GTF2IRD2B: variants seen among roughly 807,000 people sequenced by gnomAD.
GTF2IRD2B encodes GTF2I repeat domain containing 2B.
A neutral mutation model predicts 55.6 loss-of-function variants in GTF2IRD2B; 10 were observed. The ratio of observed to expected loss-of-function variants is 0.18; its 90% confidence interval spans 0.11 to 0.31. GTF2IRD2B has a LOEUF of 0.31. Ranked by LOEUF, GTF2IRD2B falls within the 10% of genes least tolerant of loss-of-function variation. The pLI is 1.00. For missense variants in GTF2IRD2B, 206 were observed against 802.7 expected (o/e 0.26, Z 8.98); for synonymous variants, 107 against 320.5 (o/e 0.33, Z 7.12).
Position 75,112,093 on chromosome 7 carries a change from C to G in GTF2IRD2B, c.100-304C>G, listed in dbSNP as rs1308829567. On this transcript the variant is annotated intron_variant, in intron 2 of 15. Coordinates refer to ENST00000472837, the MANE Select transcript of GTF2IRD2B (RefSeq NM_001003795.3). ...CCCGTCTCTACTAAAAATACACACACACACACACACACACACACACACACA... is the reference window on the plus strand; with the variant it reads ...CCCGTCTCTACTAAAAATACACACAGACACACACACACACACACACACACA... 7.3e-5 allele frequency among the ~76,000 whole-genome samples: 2 copies of G among 27,470 alleles called. 1 individual carries two copies. The allele number at this position is 27,470 out of a possible 152,430, so 18.0% of individuals were successfully genotyped here. A position where few individuals can be genotyped will look rare whatever the true frequency, so the allele number is the denominator to read the frequency against.
intron 3 of GTF2IRD2B, among the ~76,000 whole-genome samples, chr7:75,118,074 CAAAAAAAAAA>C (rs57631816): frequency 2.9e-5 from 3 of 103,796 alleles, no homozygotes; most frequent in East Asian, 5.4e-4. Flanking sequence ...CAGAGCAAGA[CAAAAAAAAAA>C]AAAAAAAAGG....
chr7:75,134,080 C>T (rs1258921705), intron 9 of GTF2IRD2B, among the ~76,000 whole-genome samples: 3 of 90,906 alleles, frequency 3.3e-5, no homozygotes, highest in African/African-American at 1.0e-4. Context: ...AGGATTCTTC[C>T]AAAAAAAAAA....
chr7:75,110,727 G>GGAT (rs1807946931), intron 2 of GTF2IRD2B, among the ~76,000 whole-genome samples: 1 of 54,886 alleles, frequency 1.8e-5, no homozygotes, highest in Non-Finnish European at 5.5e-5. Context: ...CAAGGCCAGA[G>GGAT]GATCACTTGA....
At position 75,148,216 on chromosome 7, in the gene GTF2IRD2B, A is replaced by C. The variant is rs782623890; in HGVS notation, c.1769A>C (p.Lys590Thr). 64 of 1,613,746 alleles carry C rather than the reference A, an allele frequency of 4.0e-5. No individual in the cohort carries two copies. Among genetic ancestry groups the C allele is most frequent in the Admixed American group, 3.3e-4 (20 of 59,950 alleles). Reference sequence around the variant, plus strand: ...GACACGGTGCCCATGACGGGTACAAAATCTGGCAACGAGATCTTTTTGCGT... The same window carrying C: ...GACACGGTGCCCATGACGGGTACAACATCTGGCAACGAGATCTTTTTGCGT... ...LLDTVPMTGTKSGNEIFLRVE... is the reference protein window; with the variant it reads ...LLDTVPMTGTTSGNEIFLRVE... The change falls in exon 16 of 16, where the codon AAA becomes ACA. Residue 590 changes from lysine to threonine, a missense_variant. Transcript: ENST00000472837.
intron 1 of GTF2IRD2B, among the ~76,000 whole-genome samples, 192 bp downstream of exon 1, chr7:75,092,957 G>C (rs1362022353): frequency 6.6e-6 from 1 of 151,980 alleles, no homozygotes; most frequent in Admixed American, 6.5e-5. Flanking sequence ...CAGGACCAGA[G>C]GTGTGAGGGT....
At chr7:75,104,795 C>G (rs1807719504) in intron 1 of GTF2IRD2B, among the ~76,000 whole-genome samples, 1 of 152,282 alleles carries the variant, frequency 6.6e-6, no homozygotes, top group South Asian at 2.1e-4. Flanking sequence ...CGTCTCATGG[C>G]TGGATGCCGC....
At chr7:75,115,142 A>T (rs1808100427) in intron 3 of GTF2IRD2B, among the ~76,000 whole-genome samples, 1 of 102,670 alleles carries the variant, frequency 9.7e-6, no homozygotes, top group Admixed American at 1.3e-4. Flanking sequence ...TTACTATATT[A>T]CCCAGTCTGG....
At chr7:75,105,267 G>A (rs1216594308) in intron 1 of GTF2IRD2B, among the ~76,000 whole-genome samples, 93 of 152,388 alleles carry the variant, frequency 6.1e-4, no homozygotes, top group Middle Eastern at 3.4e-3. Context: ...ACTTTAGGAG[G>A]CCGAGGCGGG....
At chr7:75,127,258 T>C (rs1808548900) in intron 8 of GTF2IRD2B, among the ~76,000 whole-genome samples, 1 of 151,118 alleles carries the variant, frequency 6.6e-6, no homozygotes, top group Non-Finnish European at 1.5e-5. Context: ...GCAGGCAAAT[T>C]GCTTGAACCC....
At position 75,108,450 on chromosome 7, in the gene GTF2IRD2B, AAAAG is replaced by A. The variant is rs1206499902; in HGVS notation, c.-5-496_-5-493del. ...AAGAGTGAAACTCAGTCTCAAAAAA[AAAAG>A]AAAGAAAGAAAGAGAGTTAGCAGGG... is the stretch of plus-strand genomic sequence containing the variant. On this transcript the variant is annotated intron_variant, in intron 1 of 15. Coordinates refer to ENST00000472837, the MANE Select transcript of GTF2IRD2B (RefSeq NM_001003795.3). Among the ~76,000 whole-genome samples, 3 of 16,124 alleles carry A rather than the reference AAAAG, an allele frequency of 1.9e-4. 1 individual carries two copies. Among genetic ancestry groups the A allele is most frequent in the Non-Finnish European group, 3.9e-4 (3 of 7,790 alleles). 10.6% of individuals were successfully genotyped at this position (16,124 alleles called of 152,430 possible).
At chr7:75,107,009 G>A (rs1283202625) in intron 1 of GTF2IRD2B, among the ~76,000 whole-genome samples, 1 of 151,478 alleles carries the variant, frequency 6.6e-6, no homozygotes, top group Non-Finnish European at 1.5e-5. Flanking sequence ...GAAGTCCGAA[G>A]GGAAGTGGGA....
Position 75,147,876 on chromosome 7 carries a change from T to C in GTF2IRD2B, c.1429T>C (p.Tyr477His). ...CAATCACAGCAAGCATTATGACCAG[T>C]ATACGGAAAGAATGCGTGACGAGAA... Reference protein sequence around the residue: ...QTNHSKHYDQYTERMRDEKLH... With the variant: ...QTNHSKHYDQHTERMRDEKLH... The change falls in exon 16 of 16, where the codon TAT (tyrosine) becomes CAT (histidine). Residue 477 changes from tyrosine (Y) to histidine (H), a missense_variant. Tyr to His is a moderately conservative substitution (Grantham distance 83, BLOSUM62 2). Coordinates refer to ENST00000472837, the MANE Select transcript of GTF2IRD2B (RefSeq NM_001003795.3). 1 of 1,439,632 alleles carries C rather than the reference T, an allele frequency of 6.9e-7. No homozygotes were observed. The allele number at this position is 1,439,632 out of a possible 1,614,324, so 89.2% of individuals were successfully genotyped here.
intron 8 of GTF2IRD2B, among the ~76,000 whole-genome samples, chr7:75,127,516 C>G (rs1356210189): frequency 6.8e-6 from 1 of 147,638 alleles, no homozygotes; most frequent in African/African-American, 2.5e-5. Context: ...AGAGAGGGAG[C>G]CTTCTAATTC....
intron 1 of GTF2IRD2B, among the ~76,000 whole-genome samples, chr7:75,105,971 C>T (rs1807788464): frequency 6.6e-6 from 1 of 152,308 alleles, no homozygotes; most frequent in South Asian, 2.1e-4. Context: ...AAGTTACTTC[C>T]CTGACGTCCT....
chr7:75,114,367 A>G (rs1178599049), intron 3 of GTF2IRD2B, among the ~76,000 whole-genome samples: 1 of 151,288 alleles, frequency 6.6e-6, no homozygotes, highest in African/African-American at 2.4e-5. Context: ...TGTCGCAAAT[A>G]TTTTCTCTAG....
chr7:75,130,110 T>TTTCG lies in GTF2IRD2B; in HGVS notation c.671-3022_671-3021insGTTC, dbSNP rs1258081828. Among the ~76,000 whole-genome samples, 9 of 107,624 alleles carry TTTCG rather than the reference T, an allele frequency of 8.4e-5. No homozygotes were observed. In the South Asian group the frequency reaches 2.9e-3, roughly 34 times the overall value. 70.6% of individuals were successfully genotyped at this position (107,624 alleles called of 152,430 possible). A position where few individuals can be genotyped will look rare whatever the true frequency, so the allele number is the denominator to read the frequency against. On this transcript the variant is annotated intron_variant, in intron 8 of 15. Transcript: ENST00000472837. ...TATTTTCTCTTTCTTTCTTTCTTTC[T>TTTCG]TTCTTTCTTTCTTTCTTTCTTTCTT... is the stretch of plus-strand genomic sequence containing the variant.
intron 1 of GTF2IRD2B, among the ~76,000 whole-genome samples, chr7:75,106,017 A>G (rs587773133): frequency 6.6e-6 from 1 of 152,306 alleles, no homozygotes; most frequent in Non-Finnish European, 1.5e-5. Context: ...ACCACATTCA[A>G]GTGGGCAAGA....
chr7:75,130,099 T>TTCTC (rs1424601529), intron 8 of GTF2IRD2B, among the ~76,000 whole-genome samples: 3 of 96,868 alleles, frequency 3.1e-5, no homozygotes, highest in Non-Finnish European at 4.5e-5. Flanking sequence ...TTCTCTTTCT[T>TTCTC]TCTTTCTTTC....
chr7:75,093,021 T>TG (rs1807306912), intron 1 of GTF2IRD2B, among the ~76,000 whole-genome samples: 1 of 152,292 alleles, frequency 6.6e-6, no homozygotes, highest in Non-Finnish European at 1.5e-5. Flanking sequence ...GGAGCGCACA[T>TG]CCCTCTCCTT....
Sources: gnomAD v4.1 joint callset for allele counts (sites outside exome capture counted in the v4.1 genomes callset) on GRCh38, gnomAD v4.1.1 for gene constraint, MANE v1.5 for transcripts, NCBI Gene and HGNC (gene_info 2026-07-23, HGNC 2026-07-21) for gene names.